Variants in SHB observed in about 807,000 individuals in gnomAD.
SHB encodes the protein SH2 domain containing adaptor protein B.
SHB carries 20 observed loss-of-function variants against 52.3 expected under a neutral mutation model. That is an observed-to-expected ratio of 0.38 (90% CI 0.27 to 0.56). The LOEUF (loss-of-function observed/expected upper bound fraction) is 0.56, where lower values mean the gene tolerates loss of function less well. Ranked by LOEUF, SHB falls within the 20% of genes least tolerant of loss-of-function variation. The pLI, the probability that SHB is intolerant of heterozygous loss-of-function variation, is 0.71. For missense variants in SHB, 825 were observed against 723.3 expected (o/e 1.14, Z -1.61); for synonymous variants, 397 against 316.5 (o/e 1.25, Z -2.70).
At chr9:38,010,866 C>T (rs183675329) in intron 2 of SHB, among the ~76,000 whole-genome samples, 153 of 152,362 alleles carry the variant, frequency 1.0e-3, no homozygotes, top group African/African-American at 3.3e-3. Context: ...AAGGGTGCAA[C>T]CTACTTCCAG....
chr9:38,064,074 C>G (rs1186803380), intron 1 of SHB, among the ~76,000 whole-genome samples: 1 of 151,790 alleles, frequency 6.6e-6, no homozygotes, highest in East Asian at 1.9e-4. Flanking sequence ...ACCAAAGTAA[C>G]TGGCCTCTTT....
At chr9:37,983,140 A>G (rs1313185638) in intron 2 of SHB, among the ~76,000 whole-genome samples, 1 of 152,236 alleles carries the variant, frequency 6.6e-6, no homozygotes, top group Admixed American at 6.5e-5. Flanking sequence ...AGGGACAGAC[A>G]CAGCTCAGCC....
Position 38,000,963 on chromosome 9 carries a change from T to C in SHB, c.838+15048A>G, listed in dbSNP as rs974396060. On this transcript the variant is annotated intron_variant, in intron 2 of 5. Coordinates refer to ENST00000377707, the MANE Select transcript of SHB (RefSeq NM_003028.3). ...TATACAATGGAGATAGCACCACGTG[T>C]CCTGCCTGTCTCGCCAGGGTGGTGT... is the stretch of plus-strand genomic sequence containing the variant. Among the ~76,000 whole-genome samples, 38 of 152,342 alleles carry C rather than the reference T, an allele frequency of 2.5e-4. 1 individual carries two copies. Among genetic ancestry groups the C allele is most frequent in the African/African-American group, 8.9e-4 (37 of 41,578 alleles).
rs540830441 is a variant in SHB, at chr9:38,034,759, C to T, written c.718-18628G>A. Among the ~76,000 whole-genome samples the T allele has an allele frequency of 7.9e-5, 12 of 152,334 alleles. No individual in the cohort carries two copies. The East Asian group carries it at 1.4e-3, about 17-fold the overall frequency. On this transcript the variant is annotated intron_variant, in intron 1 of 5. Transcript: ENST00000377707. ...CCACCCAGGCTGGAGTGCAGTGGTG[C>T]GATCTCAGCTCACTGCAACCTCTGC...
At chr9:38,016,208 G>A (rs1821209303) in intron 1 of SHB, 77 bp from the exon 2 acceptor site, 2 of 1,519,626 alleles carry the variant, frequency 1.3e-6, no homozygotes, top group Admixed American at 1.8e-5. Flanking sequence ...TAGGCTTTGG[G>A]CCTCAGCTAG....
intron 1 of SHB, among the ~76,000 whole-genome samples, chr9:38,026,526 CAA>C (rs1314579617): frequency 6.6e-6 from 1 of 152,260 alleles, no homozygotes; most frequent in African/African-American, 2.4e-5. Context: ...CTGCTCTCCC[CAA>C]GAGTCACTCT....
chr9:38,038,842 C>T (rs1248721764), intron 1 of SHB, among the ~76,000 whole-genome samples: 1 of 152,146 alleles, frequency 6.6e-6, no homozygotes, highest in Non-Finnish European at 1.5e-5. Context: ...GGCCACCCCC[C>T]AGGGAGGTAT....
At chr9:38,027,905 G>C (rs1374512972) in intron 1 of SHB, among the ~76,000 whole-genome samples, 1 of 151,970 alleles carries the variant, frequency 6.6e-6, no homozygotes, top group Non-Finnish European at 1.5e-5. Context: ...GCCTCCTGGA[G>C]AGGGATGGAG....
chr9:37,919,141 T>C lies in SHB; in HGVS notation c.*680A>G, dbSNP rs1832142394. ...AAAAAGGATAAGGCTATATATTAAA[T>C]GACTATTTTATTTACACACCCTATT... On this transcript the variant is annotated 3_prime_UTR_variant, in exon 6 of 6. Transcript: ENST00000377707. 6.5e-6 allele frequency: 1 copy of C among 152,688 alleles called. No individual in the cohort carries two copies. Among genetic ancestry groups the C allele is most frequent in the East Asian group, 1.9e-4 (1 of 5,190 alleles). The allele number at this position is 152,688 out of a possible 1,614,324, so 9.5% of individuals were successfully genotyped here.
intron 1 of SHB, among the ~76,000 whole-genome samples, chr9:38,032,763 C>T (rs1821431226): frequency 6.6e-6 from 1 of 152,208 alleles, no homozygotes; most frequent in Admixed American, 6.5e-5. Flanking sequence ...TGGCACAGTC[C>T]TTGTCTTCAA....
At position 37,985,245 on chromosome 9, in the gene SHB, T is replaced by C. The variant is rs551885112; in HGVS notation, c.839-10408A>G. 5.6e-4 allele frequency among the ~76,000 whole-genome samples: 86 copies of C among 152,342 alleles called. 1 individual carries two copies. The highest frequency in any genetic ancestry group is 1.9e-3 in the African/African-American group (81 of 41,594). ...TGAGGGCAAGGGAAAGGCCCAAGTC[T>C]GGAGTCAGGGTGCCTGGGTTTGCTC... is the stretch of plus-strand genomic sequence containing the variant. On this transcript the variant is annotated intron_variant, in intron 2 of 5. Transcript: ENST00000377707.
At chr9:38,002,709 A>T (rs944030607) in intron 2 of SHB, among the ~76,000 whole-genome samples, 1 of 152,208 alleles carries the variant, frequency 6.6e-6, no homozygotes, top group African/African-American at 2.4e-5. Flanking sequence ...AAAGGTTCTA[A>T]TGCCCAAGTT....
chr9:37,942,470 G>A (rs1310039152), intron 5 of SHB, among the ~76,000 whole-genome samples: 1 of 152,212 alleles, frequency 6.6e-6, no homozygotes. Flanking sequence ...CCAGATACCT[G>A]CCCAAGTCAC....
chr9:38,041,862 G>A (rs533218670), intron 1 of SHB, among the ~76,000 whole-genome samples: 80 of 152,292 alleles, frequency 5.3e-4, no homozygotes, highest in African/African-American at 1.6e-3. Flanking sequence ...AGCCGAAGTC[G>A]GCTCTCAAAC....
intron 3 of SHB, among the ~76,000 whole-genome samples, chr9:37,957,552 T>C (rs1257284395): frequency 6.6e-6 from 1 of 152,136 alleles, no homozygotes; most frequent in Non-Finnish European, 1.5e-5. Context: ...CCACCCACTT[T>C]CTGGACTGTG....
intron 1 of SHB, among the ~76,000 whole-genome samples, chr9:38,017,157 C>A (rs1205028595): frequency 6.6e-6 from 1 of 152,252 alleles, no homozygotes; most frequent in Non-Finnish European, 1.5e-5. Flanking sequence ...TCCTGCTTAG[C>A]CCCGCTTCAT....
chr9:38,053,153 C>T (rs973112450), intron 1 of SHB, among the ~76,000 whole-genome samples: 3 of 152,196 alleles, frequency 2.0e-5, no homozygotes, highest in African/African-American at 7.2e-5. Context: ...TGGCTGGAAC[C>T]CCAGCTCCAG....
In SHB at chr9:38,061,908, A is replaced by T. The variant is rs571177974; in HGVS notation, c.717+6021T>A. 2.0e-5 allele frequency among the ~76,000 whole-genome samples: 3 copies of T among 152,344 alleles called. No homozygotes were observed. The East Asian group carries it at 5.8e-4, about 29-fold the overall frequency. ...ACGTTTTGTGCAGCTGTCCCTTGGG[A>T]TGTGCCAACTCTGTGCTCAGAATTT... On this transcript the variant is annotated intron_variant, in intron 1 of 5. Coordinates refer to ENST00000377707, the MANE Select transcript of SHB (RefSeq NM_003028.3).
chr9:38,018,732 G>C (rs763120974), intron 1 of SHB, among the ~76,000 whole-genome samples: 2 of 152,182 alleles, frequency 1.3e-5, no homozygotes, highest in African/African-American at 4.8e-5. Context: ...CAGGTGTTAG[G>C]AGAGTTGAGC....
Sources: gnomAD v4.1 joint callset for allele counts (sites outside exome capture counted in the v4.1 genomes callset) on GRCh38, gnomAD v4.1.1 for gene constraint, MANE v1.5 for transcripts, NCBI Gene and HGNC (gene_info 2026-07-23, HGNC 2026-07-21) for gene names.